CCDC7: variants seen among roughly 807,000 people sequenced by gnomAD.
CCDC7 encodes the protein coiled-coil domain-containing protein 7.
CCDC7 carries 183 observed loss-of-function variants against 196.9 expected under a neutral mutation model. The ratio of observed to expected loss-of-function variants is 0.93; its 90% CI spans 0.82 to 1.05. CCDC7 has a LOEUF of 1.05. Among genes scored for constraint, CCDC7 ranks in the 50% least tolerant of loss-of-function variants. The pLI is 0.00. For missense variants in CCDC7, 1,540 were observed against 1,482.2 expected, an observed-to-expected ratio of 1.04 and a Z score of -0.64; for synonymous variants, 525 against 484.6, an observed-to-expected ratio of 1.08 and a Z score of -1.10.
intron 18 of CCDC7, among the ~76,000 whole-genome samples, chr10:32,597,030 T>A (rs1418357197): frequency 6.6e-6 from 1 of 152,196 alleles, no homozygotes; most frequent in East Asian, 1.9e-4. Context: ...AAGGAATATC[T>A]TTGTGGCGTT....
At chr10:32,783,425 T>A (rs548680712) in intron 29 of CCDC7, among the ~76,000 whole-genome samples, 10 of 152,292 alleles carry the variant, frequency 6.6e-5, no homozygotes, top group Middle Eastern at 6.8e-3. Context: ...TCATTGGCCA[T>A]TAGAGAAATG....
In CCDC7 at chr10:32,656,693, G is replaced by A. The variant is rs181265591; in HGVS notation, c.2015-7361G>A. Among the ~76,000 whole-genome samples, 89 of 152,200 alleles carry A rather than the reference G, an allele frequency of 5.8e-4. 1 individual carries two copies. The highest frequency in any genetic ancestry group is 8.5e-4 in the Admixed American group (13 of 15,284). On this transcript the variant is annotated intron_variant, in intron 20 of 41. Coordinates refer to ENST00000639629, the Ensembl canonical transcript of CCDC7. ...ACAATTCAAGATGAGATTTGGGTGC[G>A]GCGAGCCAAACCATATCATTCCACC...
At chr10:32,809,288 G>A (rs2086548272) in intron 30 of CCDC7, among the ~76,000 whole-genome samples, 1 of 152,016 alleles carries the variant, frequency 6.6e-6, no homozygotes, top group Non-Finnish European at 1.5e-5. Context: ...TATTAAAGAA[G>A]CTCAATGAGG....
chr10:32,461,759 A>G (rs1411636903), intron 3 of CCDC7, among the ~76,000 whole-genome samples: 12 of 104,226 alleles, frequency 1.2e-4, no homozygotes, highest in African/African-American at 3.9e-4. Flanking sequence ...ATACATATAT[A>G]TATATGCACA....
At chr10:32,745,134 G>A (rs1376760340) in intron 28 of CCDC7, among the ~76,000 whole-genome samples, 2 of 152,156 alleles carry the variant, frequency 1.3e-5, no homozygotes, top group Non-Finnish European at 2.9e-5. Context: ...CCATATTTGT[G>A]TGAATCCACT....
intron 18 of CCDC7, among the ~76,000 whole-genome samples, chr10:32,584,626 C>G (rs916563404): frequency 2.0e-5 from 3 of 150,760 alleles, no homozygotes; most frequent in African/African-American, 7.3e-5. Context: ...TGTGGTGGTG[C>G]ATGCTTGTAA....
chr10:32,653,917 C>T (rs914191515), intron 20 of CCDC7, among the ~76,000 whole-genome samples: 4 of 152,080 alleles, frequency 2.6e-5, no homozygotes, highest in African/African-American at 9.7e-5. Context: ...GTTTTTTCTT[C>T]TCTTCCTCTT....
chr10:32,675,775 G>A (rs897299389), intron 21 of CCDC7: 2 of 152,176 alleles, frequency 1.3e-5, no homozygotes, highest in Non-Finnish European at 2.9e-5. Context: ...CTCATGGGAA[G>A]GAAGAATCAA....
chr10:32,467,555 G>A (rs1431586151), intron 5 of CCDC7, among the ~76,000 whole-genome samples: 1 of 152,134 alleles, frequency 6.6e-6, no homozygotes, highest in East Asian at 1.9e-4. Context: ...TACTCTGTTG[G>A]TAGTTTTTTT....
At chr10:32,465,097 A>G (rs1367528267) in intron 5 of CCDC7, among the ~76,000 whole-genome samples, 3 of 135,926 alleles carry the variant, frequency 2.2e-5, no homozygotes, top group African/African-American at 5.2e-5. Context: ...CAGTCTTTGA[A>G]CAATGAAACT....
intron 18 of CCDC7, among the ~76,000 whole-genome samples, chr10:32,610,328 T>C (rs935429287): frequency 2.6e-5 from 4 of 152,068 alleles, no homozygotes; most frequent in Non-Finnish European, 4.4e-5. Context: ...ATGGTCTCAA[T>C]CTCCTGACCT....
At chr10:32,494,690 C>T (rs939839106) in intron 9 of CCDC7, among the ~76,000 whole-genome samples, 7 of 152,132 alleles carry the variant, frequency 4.6e-5, no homozygotes, top group African/African-American at 1.4e-4. Flanking sequence ...ATGATGGTTT[C>T]CAGCTTCATC....
chr10:32,613,685 A>G (rs2062443000), intron 18 of CCDC7, among the ~76,000 whole-genome samples: 1 of 152,204 alleles, frequency 6.6e-6, no homozygotes, highest in Admixed American at 6.5e-5. Context: ...GTAGTCATAC[A>G]AGAGCAGGTT....
intron 8 of CCDC7, among the ~76,000 whole-genome samples, chr10:32,485,928 A>G (rs2040979465): frequency 1.3e-5 from 2 of 152,160 alleles, no homozygotes. Context: ...TATGTGGTCA[A>G]TTTTGGAATA....
intron 9 of CCDC7, among the ~76,000 whole-genome samples, chr10:32,506,923 A>G (rs1161269877): frequency 6.6e-6 from 1 of 152,184 alleles, no homozygotes; most frequent in African/African-American, 2.4e-5. Flanking sequence ...TGAGGCAGCT[A>G]ATAACTTAAA....
chr10:32,855,622 A>C (rs1593487684), intron 41 of CCDC7, among the ~76,000 whole-genome samples: 1 of 152,170 alleles, frequency 6.6e-6, no homozygotes. Context: ...GGCAGAGCTC[A>C]AGTGGTAATG....
At chr10:32,561,851 T>G (rs1328479946) in intron 13 of CCDC7, among the ~76,000 whole-genome samples, 1 of 152,110 alleles carries the variant, frequency 6.6e-6, no homozygotes, top group African/African-American at 2.4e-5. Flanking sequence ...AAAAAATTAG[T>G]GAATCCAGGA....
At chr10:32,685,062 T>C (rs978526830) in intron 21 of CCDC7, among the ~76,000 whole-genome samples, 1 of 152,046 alleles carries the variant, frequency 6.6e-6, no homozygotes, top group Non-Finnish European at 1.5e-5. Context: ...TTCACCCTCC[T>C]TCATCTTGTA....
chr10:32,486,719 T>C (rs2041175811), intron 8 of CCDC7, among the ~76,000 whole-genome samples: 1 of 138,650 alleles, frequency 7.2e-6, no homozygotes, highest in African/African-American at 2.7e-5. Context: ...TTTGCTTGTC[T>C]GTAAAGGATT....
Sources: gnomAD v4.1 joint callset for allele counts (sites outside exome capture counted in the v4.1 genomes callset) on GRCh38, gnomAD v4.1.1 for gene constraint, MANE v1.5 for transcripts, NCBI Gene and HGNC (gene_info 2026-07-23, HGNC 2026-07-21) for gene names.